Variants in FHIT observed in about 807,000 individuals in gnomAD.
FHIT encodes the protein fragile histidine triad diadenosine triphosphatase.
A neutral mutation model predicts 17.9 loss-of-function variants in FHIT; 19 were observed. The ratio of observed to expected loss-of-function variants is 1.06; its 90% CI spans 0.74 to 1.56. FHIT has a LOEUF of 1.56. Ranked by LOEUF, FHIT falls within the 40% of genes most tolerant of loss-of-function variation. The pLI is 0.00. For missense variants in FHIT, 248 were observed against 189.2 expected, an observed-to-expected ratio of 1.31 and a Z score of -1.82; for synonymous variants, 81 against 69.7, an observed-to-expected ratio of 1.16 and a Z score of -0.81.
chr3:60,264,532 A>G (rs1271912241), intron 5 of FHIT, among the ~76,000 whole-genome samples: 3 of 151,990 alleles, frequency 2.0e-5, no homozygotes, highest in African/African-American at 7.2e-5. Flanking sequence ...TACTGGTTCT[A>G]TTATCTTATT....
At chr3:60,609,419 G>C (rs1317232512) in intron 4 of FHIT, among the ~76,000 whole-genome samples, 1 of 151,872 alleles carries the variant, frequency 6.6e-6, no homozygotes, top group African/African-American at 2.4e-5. Context: ...TCCGCCTCTC[G>C]GGTTCAAGTG....
intron 4 of FHIT, among the ~76,000 whole-genome samples, chr3:60,604,810 C>A (rs1198669828): frequency 6.6e-6 from 1 of 152,128 alleles, no homozygotes; most frequent in Non-Finnish European, 1.5e-5. Context: ...AGTGGGCAAA[C>A]TGAGAGAAAG....
At chr3:60,797,170 G>A (rs781865065) in intron 4 of FHIT, among the ~76,000 whole-genome samples, 3 of 152,182 alleles carry the variant, frequency 2.0e-5, no homozygotes, top group Non-Finnish European at 4.4e-5. Flanking sequence ...TTTGGTGCTT[G>A]CCTCACATAG....
At chr3:61,196,689 G>C (rs1373945727) in intron 2 of FHIT, among the ~76,000 whole-genome samples, 1 of 152,214 alleles carries the variant, frequency 6.6e-6, no homozygotes, top group South Asian at 2.1e-4. Context: ...TAGTGTGCTG[G>C]ACTTAGCAAA....
intron 5 of FHIT, among the ~76,000 whole-genome samples, chr3:60,466,871 G>A (rs1032167900): frequency 6.7e-6 from 1 of 150,056 alleles, no homozygotes; most frequent in African/African-American, 2.5e-5. Context: ...TTTGTATCAG[G>A]GTGATACTAG....
At chr3:59,821,001 G>A (rs1166817506) in intron 8 of FHIT, among the ~76,000 whole-genome samples, 4 of 152,162 alleles carry the variant, frequency 2.6e-5, no homozygotes, top group African/African-American at 9.7e-5. Flanking sequence ...AGTAAGATTC[G>A]AATTAGGGAC....
At chr3:61,010,746 C>A (rs1019122156) in intron 3 of FHIT, among the ~76,000 whole-genome samples, 2 of 152,178 alleles carry the variant, frequency 1.3e-5, no homozygotes, top group African/African-American at 4.8e-5. Flanking sequence ...ACCAGCTAAA[C>A]TGCACACAAA....
chr3:60,494,052 A>G (rs1260610185), intron 5 of FHIT, among the ~76,000 whole-genome samples: 1 of 152,238 alleles, frequency 6.6e-6, no homozygotes, highest in Non-Finnish European at 1.5e-5. Context: ...TAAAGTTGTA[A>G]TAACATTCAC....
intron 1 of FHIT, among the ~76,000 whole-genome samples, chr3:61,206,221 C>A (rs1406689601): frequency 7.5e-6 from 1 of 133,090 alleles, no homozygotes; most frequent in Non-Finnish European, 1.6e-5. Flanking sequence ...GTTACTGTAG[C>A]CTTGTAGTAT....
intron 5 of FHIT, among the ~76,000 whole-genome samples, chr3:60,042,445 C>T (rs143332217): frequency 4.7e-4 from 72 of 152,244 alleles, no homozygotes; most frequent in African/African-American, 1.7e-3. Context: ...GGGCCTAAAC[C>T]AATGGGTCAC....
intron 4 of FHIT, among the ~76,000 whole-genome samples, chr3:60,562,132 A>C (rs2036975502): frequency 6.6e-6 from 1 of 152,202 alleles, no homozygotes; most frequent in South Asian, 2.1e-4. Flanking sequence ...ACGGTTAATG[A>C]GAAAAAGAAA....
At chr3:60,587,708 G>T (rs1055846066) in intron 4 of FHIT, among the ~76,000 whole-genome samples, 5 of 151,972 alleles carry the variant, frequency 3.3e-5, no homozygotes, top group Non-Finnish European at 4.4e-5. Flanking sequence ...ATTACCTGCT[G>T]CTTTATTAAT....
intron 2 of FHIT, among the ~76,000 whole-genome samples, chr3:61,092,620 C>A (rs2035520924): frequency 6.6e-6 from 1 of 151,880 alleles, no homozygotes; most frequent in South Asian, 2.1e-4. Flanking sequence ...GTAATCTGTG[C>A]TATTAAGAAG....
intron 5 of FHIT, among the ~76,000 whole-genome samples, chr3:60,377,245 C>T (rs1576563811): frequency 6.6e-6 from 1 of 150,788 alleles, no homozygotes; most frequent in East Asian, 1.9e-4. Context: ...CTGTCCCAGG[C>T]CGGAGTGCAG....
At chr3:60,086,668 C>A (rs1462262356) in intron 5 of FHIT, among the ~76,000 whole-genome samples, 1 of 152,214 alleles carries the variant, frequency 6.6e-6, no homozygotes, top group Non-Finnish European at 1.5e-5. Context: ...GCCGGGCAGA[C>A]ATGATATCTT....
intron 5 of FHIT, among the ~76,000 whole-genome samples, chr3:60,073,016 A>G (rs1441968174): frequency 6.6e-6 from 1 of 152,144 alleles, no homozygotes; most frequent in East Asian, 1.9e-4. Flanking sequence ...TTACATATTC[A>G]TGGAAGAAAA....
chr3:60,228,799 C>A (rs1006871551), intron 5 of FHIT, among the ~76,000 whole-genome samples: 7 of 152,182 alleles, frequency 4.6e-5, no homozygotes, highest in Admixed American at 2.6e-4. Context: ...AAGCTTAAGT[C>A]ATTTTGTCTG....
At chr3:60,645,965 G>T (rs2039847089) in intron 4 of FHIT, among the ~76,000 whole-genome samples, 1 of 152,126 alleles carries the variant, frequency 6.6e-6, no homozygotes, top group African/African-American at 2.4e-5. Flanking sequence ...ACTTAAAATA[G>T]TCTTCCAACG....
chr3:60,988,948 A>T (rs1234681635), intron 3 of FHIT, among the ~76,000 whole-genome samples: 1 of 31,432 alleles, frequency 3.2e-5, no homozygotes, highest in African/African-American at 1.6e-4. Context: ...GGCTTTGTTA[A>T]AAAAAAAAAA....
Sources: allele counts gnomAD v4.1 joint callset (sites outside exome capture counted in the v4.1 genomes callset), GRCh38; gene constraint gnomAD v4.1.1; transcripts MANE v1.5; gene names NCBI Gene and HGNC (gene_info 2026-07-23, HGNC 2026-07-21).